The following C2CD5 variants were observed in gnomAD, a reference collection of about 807,000 sequenced individuals.
C2CD5 encodes C2 domain-containing protein 5.
C2CD5 carries 109 observed loss-of-function variants against 130.3 expected under a neutral mutation model. The ratio of observed to expected loss-of-function variants is 0.84; its 90% confidence interval spans 0.72 to 0.98. C2CD5 has a LOEUF of 0.98. C2CD5 is among the 50% of genes least tolerant of loss of function. The probability of loss-of-function intolerance (pLI) is 0.00; values close to 1 mark genes in which losing one functional copy is unlikely to be tolerated. For missense variants in C2CD5, 996 were observed against 1,261.8 expected, an observed-to-expected ratio of 0.79 and a Z score of 3.19; for synonymous variants, 454 against 429.2, an observed-to-expected ratio of 1.06 and a Z score of -0.71.
intron 14 of C2CD5, among the ~76,000 whole-genome samples, chr12:22,479,583 G>T (rs535196497): frequency 5.3e-5 from 8 of 152,110 alleles, no homozygotes; most frequent in Non-Finnish European, 1.0e-4. Flanking sequence ...GTGGACAAAC[G>T]ATCTGAACTG....
chr12:22,535,217 C>CA, intron 3 of C2CD5, 41 bp downstream of exon 3: 2 of 1,120,762 alleles, frequency 1.8e-6, no homozygotes, highest in Non-Finnish European at 2.7e-6. Flanking sequence ...AGAGTCACCT[C>CA]AAAAAAATAC....
intron 14 of C2CD5, 64 bp downstream of exon 14, chr12:22,482,493 C>T (rs1447023925): frequency 5.2e-6 from 7 of 1,344,438 alleles, no homozygotes; most frequent in Non-Finnish European, 6.3e-6. Context: ...ATTTGAATCA[C>T]ATAACATAGA....
chr12:22,523,372 C>A, intron 7 of C2CD5, 54 bp downstream of exon 7: 4 of 1,391,214 alleles, frequency 2.9e-6, no homozygotes, highest in South Asian at 1.2e-5. Context: ...AATGAAAAAG[C>A]ATAGATAAAA....
rs113514771 is a variant in C2CD5, at chr12:22,527,890, C to T, written c.180G>A (p.Val60=). Residue 60 remains valine (V), a splice_region_variant and synonymous_variant, in exon 4 of 27, where the codon GTG becomes GTA. Coordinates refer to ENST00000446597, the MANE Select transcript of C2CD5 (RefSeq NM_001286176.2). ...GTTCATCTTGTAAGTCTTCATCATC[C>T]ACCTACAAGTATACCTTAAAATTAA... The part of the protein sequence containing the change: ...QWNSEWFKFE[V]DDEDLQDEPL... The T allele has an allele frequency of 1.3e-6, 2 of 1,596,218 alleles. No individual in the cohort carries two copies. The highest frequency in any genetic ancestry group is 1.7e-6 in the Non-Finnish European group (2 of 1,169,150).
Position 22,472,824 on chromosome 12 carries a change from A to T in C2CD5, c.2044-17T>A. The T allele has an allele frequency of 1.5e-6, 2 of 1,361,812 alleles. No individual in the cohort carries two copies. The highest frequency in any genetic ancestry group is 1.1e-6 in the Non-Finnish European group (1 of 951,198). 84.4% of individuals were successfully genotyped at this position (1,361,812 alleles called of 1,614,324 possible). A position where few individuals can be genotyped will look rare whatever the true frequency, so the allele number is the denominator to read the frequency against. ...GTCATCAATCTTAAAATAGAGATTA[A>T]AACTATTTTATAAGTAGTAAATGCA... On this transcript the variant is annotated splice_polypyrimidine_tract_variant and intron_variant, in intron 16 of 26. Transcript: ENST00000446597.
chr12:22,509,356 G>A (rs1026463870), intron 9 of C2CD5, among the ~76,000 whole-genome samples: 19 of 151,734 alleles, frequency 1.3e-4, no homozygotes, highest in Non-Finnish European at 2.4e-4. Flanking sequence ...CTCAATTCAG[G>A]GTTCTTTACC....
In C2CD5 at chr12:22,471,469, C is replaced by T. The variant is rs1016649346; in HGVS notation, c.2288G>A (p.Arg763Gln). ...NLLKSLYFKL[R>Q]SMIPCCLCHV... Reference sequence around the variant, plus strand: ...GCAAAGGCAGCAGGGGATCATAGATCGTAGTTTAAAGTACAGGCTCTACAC... The same window carrying T: ...GCAAAGGCAGCAGGGGATCATAGATTGTAGTTTAAAGTACAGGCTCTACAC... Residue 763 changes from arginine (R) to glutamine (Q), a missense_variant, in exon 20 of 27, where the codon CGA becomes CAA. Physicochemically the swap from Arg to Gln is conservative, Grantham distance 43. Around this residue, in one of 9 missense-constraint regions of C2CD5, gnomAD observed 590 missense variants for 631.4 expected, o/e 0.93. Coordinates refer to ENST00000446597, the MANE Select transcript of C2CD5 (RefSeq NM_001286176.2). 42 of 1,595,164 alleles carry T rather than the reference C, an allele frequency of 2.6e-5. No individual in the cohort carries two copies. The highest frequency in any genetic ancestry group is 3.1e-5 in the Non-Finnish European group (36 of 1,165,026).
rs775047522 is a variant in C2CD5 at position 22,544,042 on chromosome 12, G to A, written c.90+19C>T. ...GCTTGGCGCTCCCTGTGTTTTGAGG[G>A]GCAGGACCCTGCACCAACCTCCACG... On this transcript the variant is annotated intron_variant, in intron 2 of 26. Coordinates refer to ENST00000446597, the MANE Select transcript of C2CD5 (RefSeq NM_001286176.2). 2 of 1,581,678 alleles carry A rather than the reference G, an allele frequency of 1.3e-6. No individual in the cohort carries two copies. Among genetic ancestry groups the A allele is most frequent in the East Asian group, 2.2e-5 (1 of 44,488 alleles).
At chr12:22,525,949 G>A (rs1950679620) in intron 4 of C2CD5, among the ~76,000 whole-genome samples, 1 of 152,148 alleles carries the variant, frequency 6.6e-6, no homozygotes, top group South Asian at 2.1e-4. Context: ...CTGTCCAACT[G>A]TAGGCTAATA....
chr12:22,524,545 A>G lies in C2CD5; in HGVS notation c.528T>C (p.Tyr176=). ...EELVVNEDPE[Y]QWIDRIRTPR... is the part of the protein sequence containing the mutation. Reference sequence around the variant, plus strand: ...GTGTGCGAATTCGATCAATCCACTGATATTCTGGGTCTTCATTGACCACAA... The same window carrying G: ...GTGTGCGAATTCGATCAATCCACTGGTATTCTGGGTCTTCATTGACCACAA... The change falls in exon 6 of 27, where the codon TAT becomes TAC. Residue 176 remains tyrosine (Y), a synonymous_variant. Transcript: ENST00000446597. 1.9e-6 allele frequency: 3 copies of G among 1,613,606 alleles called. No individual in the cohort carries two copies.
At chr12:22,468,790 C>G (rs906652208) in intron 22 of C2CD5, among the ~76,000 whole-genome samples, 6 of 152,094 alleles carry the variant, frequency 3.9e-5, no homozygotes, top group Admixed American at 3.9e-4. Context: ...TCTATATAAA[C>G]AGACTTTGTA....
At chr12:22,523,125 G>A (rs540429073) in intron 7 of C2CD5, among the ~76,000 whole-genome samples, 1 of 151,996 alleles carries the variant, frequency 6.6e-6, no homozygotes, top group African/African-American at 2.4e-5. Flanking sequence ...GAGGTGGGAG[G>A]ATCACCTGAG....
intron 20 of C2CD5, 59 bp downstream of exon 20, chr12:22,471,340 A>G: frequency 2.2e-6 from 2 of 917,668 alleles, no homozygotes; most frequent in Non-Finnish European, 3.5e-6. Flanking sequence ...TGATAAACAG[A>G]TAATGAAAAT....
rs1026599601 is a variant in C2CD5 at position 22,478,119 on chromosome 12, T to A, written c.1902+194A>T. Reference sequence around the variant, plus strand: ...GAAGTGGCAAAAATGAAGTCACAATTTTTAAATAGGATCGTTAGAGTAGGC... The same window carrying A: ...GAAGTGGCAAAAATGAAGTCACAATATTTAAATAGGATCGTTAGAGTAGGC... On this transcript the variant is annotated intron_variant, in intron 15 of 26. Coordinates refer to ENST00000446597, the MANE Select transcript of C2CD5 (RefSeq NM_001286176.2). The A allele has an allele frequency of 1.4e-5, 8 of 553,874 alleles. No individual in the cohort carries two copies. The South Asian group carries it at 1.6e-4, about 11-fold the overall frequency. 34.3% of individuals were successfully genotyped at this position (553,874 alleles called of 1,614,324 possible). A position where few individuals can be genotyped will look rare whatever the true frequency, so the allele number is the denominator to read the frequency against.
intron 12 of C2CD5, among the ~76,000 whole-genome samples, chr12:22,485,121 C>A (rs1945302062): frequency 6.6e-6 from 1 of 152,012 alleles, no homozygotes; most frequent in South Asian, 2.1e-4. Context: ...AGTCATTTTG[C>A]ACCAATTTAT....
At chr12:22,465,016 T>C (rs548953314) in intron 22 of C2CD5, among the ~76,000 whole-genome samples, 1 of 152,240 alleles carries the variant, frequency 6.6e-6, no homozygotes, top group East Asian at 1.9e-4. Context: ...AAAAATCTAA[T>C]TTGGTTTAAC....
intron 16 of C2CD5, among the ~76,000 whole-genome samples, 155 bp downstream of exon 16, chr12:22,474,594 TTC>T (rs896928025): frequency 2.0e-5 from 3 of 152,180 alleles, no homozygotes; most frequent in Admixed American, 6.6e-5. Context: ...TGTTACCAAG[TTC>T]TGTTATTTTC....
intron 26 of C2CD5, among the ~76,000 whole-genome samples, chr12:22,451,937 C>T (rs1229310284): frequency 6.6e-6 from 1 of 152,148 alleles, no homozygotes; most frequent in African/African-American, 2.4e-5. Flanking sequence ...GCACTAAGCA[C>T]ATTACATATA....
chr12:22,515,377 T>C (rs1379777289), intron 8 of C2CD5, among the ~76,000 whole-genome samples: 2 of 152,150 alleles, frequency 1.3e-5, no homozygotes, highest in African/African-American at 4.8e-5. Flanking sequence ...AACTTCACAT[T>C]CATTAAAATT....
Sources: gnomAD v4.1 joint callset for allele counts (sites outside exome capture counted in the v4.1 genomes callset) on GRCh38, gnomAD v4.1.1 for gene constraint, gnomAD v4.1.1 regional missense constraint, MANE v1.5 for transcripts, NCBI Gene and HGNC (gene_info 2026-07-23, HGNC 2026-07-21) for gene names.